The following SMPD3 variants were observed in gnomAD, a reference collection of about 807,000 sequenced individuals.
The protein encoded by SMPD3 is nSMase-2.
In SMPD3, 21 loss-of-function variants were observed where a neutral mutation model predicts 55.7. The ratio of observed to expected loss-of-function variants is 0.38; its 90% CI spans 0.27 to 0.54. The LOEUF is 0.54. SMPD3 is among the 20% of genes least tolerant of loss of function. The pLI is 0.80. For synonymous variants in SMPD3, 457 were observed against 404.3 expected (o/e 1.13, Z -1.56); for missense variants, 842 against 899.6 (o/e 0.94, Z 0.82).
intron 1 of SMPD3, among the ~76,000 whole-genome samples, chr16:68,422,184 A>G (rs1238946449): frequency 1.3e-5 from 2 of 152,234 alleles, no homozygotes; most frequent in Non-Finnish European, 2.9e-5. Context: ...TAGCTCAGTG[A>G]AATTGATTTT....
Position 68,359,676 on chromosome 16 carries a change from C to T in SMPD3, c.*1530G>A, listed in dbSNP as rs1180726781. 1 of 152,670 alleles carries T rather than the reference C, an allele frequency of 6.6e-6. No homozygotes were observed. Among genetic ancestry groups the T allele is most frequent in the Non-Finnish European group, 1.5e-5 (1 of 68,084 alleles). 9.5% of individuals were successfully genotyped at this position (152,670 alleles called of 1,614,324 possible). On this transcript the variant is annotated 3_prime_UTR_variant, in exon 9 of 9. Transcript: ENST00000219334. ...CCAGCCTCACCAGGCAAAGCCGGCC[C>T]TGGGCCAGGCTGGGTGTAGGGCCAG... is the stretch of plus-strand genomic sequence containing the variant.
rs530914035 is a variant in SMPD3 at position 68,358,423 on chromosome 16, G to A, written c.*2783C>T. On this transcript the variant is annotated 3_prime_UTR_variant, in exon 9 of 9. Coordinates refer to ENST00000219334, the MANE Select transcript of SMPD3 (RefSeq NM_018667.4). ...CTCTCTTCGCAAAATATTTTATCAG[G>A]TGTAAAGACTTGTTTTTCTTCTAGG... 2 of 152,682 alleles carry A rather than the reference G, an allele frequency of 1.3e-5. No homozygotes were observed. Among genetic ancestry groups the A allele is most frequent in the South Asian group, 2.1e-4 (1 of 4,838 alleles). 9.5% of individuals were successfully genotyped at this position (152,682 alleles called of 1,614,324 possible).
At chr16:68,436,282 T>G (rs1017867281) in intron 1 of SMPD3, among the ~76,000 whole-genome samples, 4 of 152,204 alleles carry the variant, frequency 2.6e-5, no homozygotes, top group Non-Finnish European at 4.4e-5. Context: ...TCCCCTTCTA[T>G]GTGTGTTGAT....
intron 1 of SMPD3, among the ~76,000 whole-genome samples, chr16:68,391,085 A>T (rs903707691): frequency 1.3e-5 from 2 of 152,228 alleles, no homozygotes; most frequent in African/African-American, 4.8e-5. Context: ...ATGCTTGAAA[A>T]AATTCTGCCC....
chr16:68,386,356 A>T (rs972038743), intron 2 of SMPD3, among the ~76,000 whole-genome samples: 2 of 152,064 alleles, frequency 1.3e-5, no homozygotes, highest in Non-Finnish European at 2.9e-5. Context: ...TGTTTTCTCC[A>T]TAGATTGGGT....
In SMPD3 at chr16:68,372,173, C is replaced by T. The variant is rs769044201; in HGVS notation, c.9G>A (p.Leu3=). The T allele has an allele frequency of 6.2e-7, 1 of 1,611,846 alleles. No homozygotes were observed. Among genetic ancestry groups the T allele is most frequent in the Admixed American group, 1.7e-5 (1 of 59,702 alleles). The change falls in exon 3 of 9, where the codon TTG becomes TTA. Residue 3 remains leucine (L), a synonymous_variant. Coordinates refer to ENST00000219334, the MANE Select transcript of SMPD3 (RefSeq NM_018667.4). MV[L]YTTPFPNSCL... is the part of the protein sequence containing the mutation. ...AGCTGTTAGGAAAGGGGGTCGTGTA[C>T]AAAACCATCGCAGCTCACTGGGCGC...
In SMPD3 at chr16:68,382,974, A is replaced by G. The variant is rs966952342; in HGVS notation, c.-207+3624T>C. On this transcript the variant is annotated intron_variant, in intron 2 of 8. Transcript: ENST00000219334. ...ATTCTCCTGCCTCGGCCTCCCGAGT[A>G]TCTGGGATTACAGGCATGTGCCAGC... Among the ~76,000 whole-genome samples the G allele has an allele frequency of 1.1e-4, 16 of 152,224 alleles. 1 individual carries two copies. In the Middle Eastern group the frequency reaches 0.01, roughly 97 times the overall value.
chr16:68,398,329 T>C (rs2090177842), intron 1 of SMPD3, among the ~76,000 whole-genome samples: 1 of 152,192 alleles, frequency 6.6e-6, no homozygotes, highest in African/African-American at 2.4e-5. Context: ...TTTTCCTTTT[T>C]CACTTAGAAT....
At chr16:68,363,660 G>T in intron 6 of SMPD3, 101 bp from the exon 7 acceptor site, 1 of 1,454,216 alleles carries the variant, frequency 6.9e-7, no homozygotes, top group Non-Finnish European at 9.5e-7. Flanking sequence ...GCTAGCCAGG[G>T]GCAGCTGAAT....
rs957142089 is a variant in SMPD3 at position 68,371,014 on chromosome 16, C to T, written c.1168G>A (p.Gly390Arg). 3 of 1,614,056 alleles carry T rather than the reference C, an allele frequency of 1.9e-6. No individual in the cohort carries two copies. Among genetic ancestry groups the T allele is most frequent in the Non-Finnish European group, 2.5e-6 (3 of 1,180,048 alleles). Residue 390 changes from glycine to arginine, a missense_variant, in exon 3 of 9, where the codon GGG becomes AGG. By Grantham distance (125) the Gly-to-Arg change is moderately radical (BLOSUM62 -2). This residue lies in a region of SMPD3 where 649 missense variants were observed against 643.6 expected (regional missense o/e 1.01). Coordinates refer to ENST00000219334, the MANE Select transcript of SMPD3 (RefSeq NM_018667.4). Reference protein sequence around the residue: ...GYFEYILYDVGVYGCQGCCSF... With the variant: ...GYFEYILYDVRVYGCQGCCSF... ...CAGCAGCCCTGGCAGCCGTAGACCC[C>T]GACGTCGTACAGGATGTACTCGAAG...
intron 1 of SMPD3, among the ~76,000 whole-genome samples, chr16:68,439,667 TG>T (rs987620747): frequency 1.3e-5 from 2 of 152,234 alleles, no homozygotes; most frequent in African/African-American, 4.8e-5. Flanking sequence ...CAGTTCAACG[TG>T]CTCTGTTAAC....
chr16:68,434,845 C>T (rs2090508967), intron 1 of SMPD3, among the ~76,000 whole-genome samples: 1 of 152,182 alleles, frequency 6.6e-6, no homozygotes, highest in African/African-American at 2.4e-5. Flanking sequence ...CTTCTCATCT[C>T]CTTTGGTGGA....
At chr16:68,413,143 G>A (rs1397832668) in intron 1 of SMPD3, among the ~76,000 whole-genome samples, 1 of 152,232 alleles carries the variant, frequency 6.6e-6, no homozygotes, top group Non-Finnish European at 1.5e-5. Context: ...AGGCTTTGCT[G>A]GATGCACAGG....
intron 6 of SMPD3, 27 bp downstream of exon 6, chr16:68,363,750 C>T (rs1159389509): frequency 1.9e-6 from 3 of 1,548,238 alleles, no homozygotes; most frequent in African/African-American, 2.7e-5. Flanking sequence ...GCCCAGCTCC[C>T]ATCCTCCTCC....
chr16:68,361,420 CT>C (rs2089258519), intron 8 of SMPD3, 113 bp from the exon 9 acceptor site: 1 of 1,372,700 alleles, frequency 7.3e-7, no homozygotes, highest in African/African-American at 1.4e-5. Flanking sequence ...GGGCTGGGAC[CT>C]TCCTGCAGTC....
At chr16:68,363,274 T>C (rs2089369672) in intron 7 of SMPD3, among the ~76,000 whole-genome samples, 1 of 152,070 alleles carries the variant, frequency 6.6e-6, no homozygotes. Flanking sequence ...CCCCTAGAGA[T>C]TTAGCAAGGC....
intron 1 of SMPD3, among the ~76,000 whole-genome samples, chr16:68,428,867 A>C (rs1026696553): frequency 2.6e-5 from 4 of 152,186 alleles, no homozygotes; most frequent in African/African-American, 9.7e-5. Flanking sequence ...AGAGGAGACC[A>C]GGCCCAGTTG....
At chr16:68,432,105 C>T (rs2090485155) in intron 1 of SMPD3, among the ~76,000 whole-genome samples, 1 of 151,928 alleles carries the variant, frequency 6.6e-6, no homozygotes, top group African/African-American at 2.4e-5. Flanking sequence ...CACAGCAAGA[C>T]TCTGTCTCGC....
chr16:68,442,271 C>T (rs2090572633), intron 1 of SMPD3, among the ~76,000 whole-genome samples: 1 of 152,206 alleles, frequency 6.6e-6, no homozygotes, highest in African/African-American at 2.4e-5. Flanking sequence ...CCTCAACTTC[C>T]CTCGCTGTCT....
Sources: allele counts gnomAD v4.1 joint callset (sites outside exome capture counted in the v4.1 genomes callset), GRCh38; gene constraint gnomAD v4.1.1; regional missense constraint gnomAD v4.1.1; transcripts MANE v1.5; gene names NCBI Gene and HGNC (gene_info 2026-07-23, HGNC 2026-07-21).